Variants in ARNT2 observed in about 807,000 individuals in gnomAD.
ARNT2 encodes the protein aryl hydrocarbon receptor nuclear translocator 2.
A neutral mutation model predicts 91.7 loss-of-function variants in ARNT2; 36 were observed. The observed-to-expected ratio is 0.39, with a 90% CI of 0.30 to 0.52. The LOEUF is 0.52. ARNT2 is among the 20% of genes least tolerant of loss of function. ARNT2 has a pLI of 0.72. For synonymous variants in ARNT2, 365 were observed against 347.1 expected (o/e 1.05, Z -0.57); for missense variants, 775 against 939.3 (o/e 0.83, Z 2.29).
intron 6 of ARNT2, among the ~76,000 whole-genome samples, chr15:80,509,734 G>C (rs186176171): frequency 5.9e-5 from 9 of 152,264 alleles, no homozygotes; most frequent in African/African-American, 2.2e-4. Context: ...TGAAACAAGG[G>C]AATGTCTGGG....
At chr15:80,576,491 G>C (rs1898676950) in intron 14 of ARNT2, among the ~76,000 whole-genome samples, 1 of 152,084 alleles carries the variant, frequency 6.6e-6, no homozygotes, top group South Asian at 2.1e-4. Flanking sequence ...TGGCCAGGCT[G>C]GTTTTGAACT....
intron 8 of ARNT2, among the ~76,000 whole-genome samples, chr15:80,535,424 T>C (rs181900456): frequency 1.5e-3 from 222 of 152,364 alleles, no homozygotes; most frequent in African/African-American, 4.4e-3. Flanking sequence ...TTTTATTCTT[T>C]TGTCAGTTTT....
intron 16 of ARNT2, 123 bp from the exon 17 acceptor site, chr15:80,581,116 G>A: frequency 8.4e-7 from 1 of 1,191,408 alleles, no homozygotes; most frequent in South Asian, 1.4e-5. Flanking sequence ...CAGACAAGAG[G>A]GTCATGGGGA....
At chr15:80,533,183 G>A (rs994951704) in intron 8 of ARNT2, among the ~76,000 whole-genome samples, 4 of 152,234 alleles carry the variant, frequency 2.6e-5, no homozygotes, top group Admixed American at 1.3e-4. Context: ...ACAGCCAAGG[G>A]CGAGGATGGA....
At chr15:80,556,871 A>G (rs1898199925) in intron 11 of ARNT2, 2 of 152,204 alleles carry the variant, frequency 1.3e-5, no homozygotes. Context: ...GCCCAGGTTC[A>G]GCTGAGGTGA....
At chr15:80,573,967 A>C in intron 12 of ARNT2, 181 bp from the exon 13 acceptor site, 1 of 579,072 alleles carries the variant, frequency 1.7e-6, no homozygotes. Context: ...CTAAACATGA[A>C]ATGCAATGTC....
chr15:80,583,386 A>G (rs1898835051), intron 17 of ARNT2, among the ~76,000 whole-genome samples: 2 of 152,190 alleles, frequency 1.3e-5, no homozygotes, highest in Admixed American at 1.3e-4. Context: ...GTCTCCACTA[A>G]ACAAATGCCA....
chr15:80,505,914 C>T (rs1897265537), intron 5 of ARNT2, among the ~76,000 whole-genome samples: 1 of 138,002 alleles, frequency 7.2e-6, no homozygotes. Context: ...AAAAATGATT[C>T]CCAACATTTG....
intron 3 of ARNT2, among the ~76,000 whole-genome samples, chr15:80,460,577 A>T (rs571268519): frequency 7.9e-5 from 12 of 152,302 alleles, no homozygotes; most frequent in African/African-American, 2.9e-4. Context: ...CATGGGATTC[A>T]TGCCATTCGG....
At chr15:80,590,132 G>A (rs973833944) in intron 17 of ARNT2, among the ~76,000 whole-genome samples, 3 of 152,154 alleles carry the variant, frequency 2.0e-5, no homozygotes, top group Non-Finnish European at 2.9e-5. Flanking sequence ...TCACATTAAC[G>A]CAGTGCCCAG....
rs1893359650 is a variant in ARNT2, at chr15:80,595,400, G to A, written c.*1702G>A. On this transcript the variant is annotated 3_prime_UTR_variant, in exon 19 of 19. Coordinates refer to ENST00000303329, the MANE Select transcript of ARNT2 (RefSeq NM_014862.4). ...CATGGATTCTGCAGGACCTAGAAGA[G>A]TGGCATTGGTTCTAGGAACCTGAGA... 1 of 152,300 alleles carries A rather than the reference G, an allele frequency of 6.6e-6. No homozygotes were observed. Among genetic ancestry groups the A allele is most frequent in the African/African-American group, 2.4e-5 (1 of 41,468 alleles). The allele number at this position is 152,300 out of a possible 1,614,324, so 9.4% of individuals were successfully genotyped here. A position where few individuals can be genotyped will look rare whatever the true frequency, so the allele number is the denominator to read the frequency against.
rs1429600637 is a variant in ARNT2, at chr15:80,576,937, C to T, written c.1585C>T (p.Pro529Ser). ...GATCTACTCCCAAGGAAGCCCATTT[C>T]CCTCTGGACACTCCGGGAAGGCCTT... Reference protein sequence around the residue: ...QQIYSQGSPFPSGHSGKAFSS... With the variant: ...QQIYSQGSPFSSGHSGKAFSS... The change falls in exon 15 of 19, where the codon CCC (proline) becomes TCC (serine). Residue 529 changes from proline (P) to serine (S), a missense_variant. Pro to Ser is a moderately conservative substitution (Grantham distance 74). Transcript: ENST00000303329. 5.6e-6 allele frequency: 9 copies of T among 1,613,994 alleles called. No individual in the cohort carries two copies. The highest frequency in any genetic ancestry group is 4.5e-5 in the East Asian group (2 of 44,892).
intron 8 of ARNT2, among the ~76,000 whole-genome samples, chr15:80,534,852 T>C (rs1202636930): frequency 6.6e-6 from 1 of 152,214 alleles, no homozygotes; most frequent in Non-Finnish European, 1.5e-5. Context: ...TTTTGGTAGT[T>C]ACCCTGCCGA....
chr15:80,515,095 T>G (rs1897411623), intron 8 of ARNT2, among the ~76,000 whole-genome samples: 1 of 152,200 alleles, frequency 6.6e-6, no homozygotes, highest in South Asian at 2.1e-4. Context: ...CTAAGATGGT[T>G]AAAAGACAGG....
chr15:80,591,458 T>C lies in ARNT2; in HGVS notation c.1919-110T>C, dbSNP rs1245825194. 1 of 1,374,752 alleles carries C rather than the reference T, an allele frequency of 7.3e-7. No individual in the cohort carries two copies. The highest frequency in any genetic ancestry group is 1.0e-6 in the Non-Finnish European group (1 of 980,782). The allele number at this position is 1,374,752 out of a possible 1,614,324, so 85.2% of individuals were successfully genotyped here. A position where few individuals can be genotyped will look rare whatever the true frequency, so the allele number is the denominator to read the frequency against. On this transcript the variant is annotated intron_variant, in intron 17 of 18. Transcript: ENST00000303329. The surrounding 1 kb of genome is among the most constrained non-coding windows in gnomAD (Gnocchi z 5.1). ...GCAAACACATTCCGCCAGCTCTGGATGGAACGTGCCTTTCAGAAGCGGGAG... is the reference window on the plus strand; with the variant it reads ...GCAAACACATTCCGCCAGCTCTGGACGGAACGTGCCTTTCAGAAGCGGGAG...
intron 3 of ARNT2, among the ~76,000 whole-genome samples, chr15:80,469,501 AT>A (rs1896703652): frequency 6.6e-6 from 1 of 150,584 alleles, no homozygotes; most frequent in Non-Finnish European, 1.5e-5. Flanking sequence ...TGTAAATATT[AT>A]TTATAATATA....
chr15:80,584,497 G>A (rs974682361), intron 17 of ARNT2, among the ~76,000 whole-genome samples: 3 of 152,000 alleles, frequency 2.0e-5, no homozygotes, highest in African/African-American at 7.2e-5. Flanking sequence ...AGGGTGCAGG[G>A]AACAGAGCAG....
At chr15:80,540,396 C>CT (rs1343129616) in intron 8 of ARNT2, among the ~76,000 whole-genome samples, 2 of 152,142 alleles carry the variant, frequency 1.3e-5, no homozygotes, top group African/African-American at 2.4e-5. Context: ...ATTTCTGTTT[C>CT]CTTAATGACA....
intron 11 of ARNT2, among the ~76,000 whole-genome samples, chr15:80,559,475 G>C (rs1898280565): frequency 6.6e-6 from 1 of 152,204 alleles, no homozygotes; most frequent in South Asian, 2.1e-4. Flanking sequence ...GTCAAATGTT[G>C]ATAAAGGGAA....
Sources: allele counts gnomAD v4.1 joint callset (sites outside exome capture counted in the v4.1 genomes callset), GRCh38; gene constraint gnomAD v4.1.1; non-coding constraint Gnocchi (gnomAD v3.1); transcripts MANE v1.5; gene names NCBI Gene and HGNC (gene_info 2026-07-23, HGNC 2026-07-21).